Variants in BTAF1 observed in about 807,000 individuals in gnomAD.
BTAF1 encodes B-TFIID TATA-box binding protein associated factor 1, also known as TATA-binding protein-associated factor 172.
In BTAF1, 38 loss-of-function variants were observed where a neutral mutation model predicts 227.1. That is an observed-to-expected ratio of 0.17 (90% confidence interval 0.13 to 0.22). The LOEUF (loss-of-function observed/expected upper bound fraction) is 0.22, where lower values mean the gene tolerates loss of function less well. BTAF1 is among the 10% of genes least tolerant of loss of function. The pLI is 1.00. For synonymous variants in BTAF1, 742 were observed against 751.9 expected (o/e 0.99, Z 0.21); for missense variants, 1,598 against 2,204.0 (o/e 0.73, Z 5.51).
At chr10:91,982,510 T>G in intron 17 of BTAF1, 77 bp from the exon 18 acceptor site, 1 of 1,483,954 alleles carries the variant, frequency 6.7e-7, no homozygotes, top group Non-Finnish European at 9.0e-7. Context: ...TATAGGAAAT[T>G]GAAAAAATTT....
intron 33 of BTAF1, among the ~76,000 whole-genome samples, chr10:92,016,766 C>T (rs753022881): frequency 1.3e-5 from 2 of 152,262 alleles, no homozygotes; most frequent in South Asian, 2.1e-4. Flanking sequence ...TGAGCCACCA[C>T]GTCTGGCCCA....
intron 4 of BTAF1, among the ~76,000 whole-genome samples, chr10:91,949,039 A>G (rs1020697787): frequency 1.8e-4 from 28 of 152,246 alleles, no homozygotes; most frequent in Middle Eastern, 6.8e-3. Flanking sequence ...GGTTGGGTGC[A>G]GTAACTCAGG....
intron 25 of BTAF1, among the ~76,000 whole-genome samples, chr10:92,001,260 A>C (rs1849508212): frequency 6.6e-6 from 1 of 152,230 alleles, no homozygotes; most frequent in Admixed American, 6.5e-5. Flanking sequence ...GGTACTGCAC[A>C]GACAGGAGGT....
chr10:91,987,143 C>CT (rs1848455125), intron 19 of BTAF1, among the ~76,000 whole-genome samples: 1 of 130,042 alleles, frequency 7.7e-6, no homozygotes, highest in Non-Finnish European at 1.6e-5. Flanking sequence ...CAAAGATACT[C>CT]TTTTTATTCC....
chr10:92,025,668 G>A (rs1281144983), intron 35 of BTAF1, among the ~76,000 whole-genome samples: 3 of 152,042 alleles, frequency 2.0e-5, no homozygotes, highest in African/African-American at 4.8e-5. Context: ...TTAGCTGGAT[G>A]TGGTGGCACA....
chr10:91,926,858 ATCTT>A (rs896075787), intron 1 of BTAF1, among the ~76,000 whole-genome samples: 2 of 152,302 alleles, frequency 1.3e-5, no homozygotes, highest in African/African-American at 2.4e-5. Context: ...GAACATGGTA[ATCTT>A]TCTAATTAAT....
intron 24 of BTAF1, chr10:91,997,004 A>G (rs1345808733): frequency 1.3e-6 from 1 of 757,418 alleles, no homozygotes; most frequent in Non-Finnish European, 1.9e-6. Flanking sequence ...ATACTAGATA[A>G]TTAGAAATAT....
At chr10:92,002,967 G>A (rs570539949) in intron 25 of BTAF1, among the ~76,000 whole-genome samples, 29 of 152,232 alleles carry the variant, frequency 1.9e-4, no homozygotes, top group African/African-American at 5.8e-4. Context: ...AGACCAGCCT[G>A]ACCAACTGGT....
At chr10:91,958,127 C>T (rs1846225030) in intron 8 of BTAF1, among the ~76,000 whole-genome samples, 1 of 152,148 alleles carries the variant, frequency 6.6e-6, no homozygotes. Context: ...TGACTCTCTG[C>T]AACCTCCGCC....
chr10:92,022,799 T>C (rs1851235239), intron 34 of BTAF1, among the ~76,000 whole-genome samples: 1 of 152,212 alleles, frequency 6.6e-6, no homozygotes, highest in African/African-American at 2.4e-5. Context: ...AAGAAACAGC[T>C]GAATAGTAAT....
intron 25 of BTAF1, among the ~76,000 whole-genome samples, chr10:91,999,673 G>A (rs558506141): frequency 7.9e-5 from 12 of 152,218 alleles, no homozygotes; most frequent in African/African-American, 2.4e-4. Context: ...GATTACAGAC[G>A]TGAGCCACCA....
chr10:92,012,990 C>A (rs1850475560), intron 30 of BTAF1, among the ~76,000 whole-genome samples: 1 of 152,028 alleles, frequency 6.6e-6, no homozygotes, highest in Non-Finnish European at 1.5e-5. Flanking sequence ...CTCTTCCTTA[C>A]AAAAGCCATG....
At chr10:91,963,513 C>T (rs957329668) in intron 12 of BTAF1, among the ~76,000 whole-genome samples, 1 of 152,096 alleles carries the variant, frequency 6.6e-6, no homozygotes, top group Admixed American at 6.5e-5. Flanking sequence ...AGAGATCTTC[C>T]CAGTCTTGGC....
At chr10:92,007,884 A>T (rs1850034922) in intron 25 of BTAF1, among the ~76,000 whole-genome samples, 1 of 152,202 alleles carries the variant, frequency 6.6e-6, no homozygotes, top group Non-Finnish European at 1.5e-5. Context: ...TTATCAAATA[A>T]TGCATAGTGT....
At chr10:91,935,572 C>A in intron 1 of BTAF1, 85 bp from the exon 2 acceptor site, 1 of 1,443,214 alleles carries the variant, frequency 6.9e-7, no homozygotes. Flanking sequence ...TCATTCATAG[C>A]ATCTGCTCAG....
chr10:92,029,204 A>G lies in BTAF1; in HGVS notation c.*271A>G, dbSNP rs1590018791. 5.6e-5 allele frequency: 15 copies of G among 269,686 alleles called. No individual in the cohort carries two copies. In the East Asian group the frequency reaches 1.2e-3, roughly 21 times the overall value. 16.7% of individuals were successfully genotyped at this position (269,686 alleles called of 1,614,324 possible). A position where few individuals can be genotyped will look rare whatever the true frequency, so the allele number is the denominator to read the frequency against. The stretch of plus-strand genomic sequence containing the variant: ...GAACCAAACCAGGTTTATTTGTGCT[A>G]CCAGGAGGTGTTCTTAATGGGAACA... On this transcript the variant is annotated 3_prime_UTR_variant, in exon 38 of 38. Transcript: ENST00000265990.
chr10:91,965,887 A>G (rs1186500429), intron 13 of BTAF1, among the ~76,000 whole-genome samples: 1 of 152,222 alleles, frequency 6.6e-6, no homozygotes, highest in Non-Finnish European at 1.5e-5. Context: ...CCTGGGAGGA[A>G]CCACAAAAGA....
Position 91,956,545 on chromosome 10 carries a change from G to T in BTAF1, c.719G>T (p.Gly240Val). The T allele has an allele frequency of 6.2e-7, 1 of 1,602,062 alleles. No homozygotes were observed. Among genetic ancestry groups the T allele is most frequent in the Non-Finnish European group, 8.5e-7 (1 of 1,176,538 alleles). Residue 240 changes from glycine to valine, a missense_variant, in exon 7 of 38, where the codon GGG becomes GTG. Coordinates refer to ENST00000265990, the MANE Select transcript of BTAF1 (RefSeq NM_003972.3). ...TNEKSNDSTDGEPEEKRRKIA... is the reference protein window; with the variant it reads ...TNEKSNDSTDVEPEEKRRKIA... ...TTTTTTAGCAATGATAGCACTGATG[G>T]GGAGCCAGAAGAAAAGAGACGGAAA...
intron 32 of BTAF1, 85 bp downstream of exon 32, chr10:92,014,114 G>T (rs536592764): frequency 1.8e-4 from 259 of 1,401,166 alleles, no homozygotes; most frequent in Non-Finnish European, 2.4e-4. Flanking sequence ...TGAATAAAGG[G>T]GCTTAGCCTT....
Sources: gnomAD v4.1 joint callset for allele counts (sites outside exome capture counted in the v4.1 genomes callset) on GRCh38, gnomAD v4.1.1 for gene constraint, MANE v1.5 for transcripts, NCBI Gene and HGNC (gene_info 2026-07-23, HGNC 2026-07-21) for gene names.